The following TENM4 variants were observed in gnomAD, a reference collection of about 807,000 sequenced individuals.
TENM4 encodes teneurin-4.
Under a neutral mutation model 243.3 loss-of-function variants are expected in TENM4, and 82 were observed. The observed-to-expected ratio is 0.34, with a 90% CI of 0.28 to 0.40. TENM4 has a LOEUF of 0.40. TENM4 is among the 10% of genes least tolerant of loss of function. TENM4 has a pLI of 1.00. For missense variants in TENM4, 3,138 were observed against 3,673.3 expected (o/e 0.85, Z 3.77); for synonymous variants, 1,412 against 1,456.3 (o/e 0.97, Z 0.69).
At chr11:79,389,931 A>T (rs1858195859) in intron 1 of TENM4, among the ~76,000 whole-genome samples, 2 of 152,308 alleles carry the variant, frequency 1.3e-5, no homozygotes, top group South Asian at 2.1e-4. Context: ...GGCCCTTTCC[A>T]GAAAACGTTT....
rs539683522 is a variant in TENM4, at chr11:79,355,850, T to C, written c.-320-58307A>G. On this transcript the variant is annotated intron_variant, in intron 1 of 33. Transcript: ENST00000278550. ...CTCACACTGACACATGAGACCACAGTGACAAATTACGGAACCTCAGTGGAA... is the reference window on the plus strand; with the variant it reads ...CTCACACTGACACATGAGACCACAGCGACAAATTACGGAACCTCAGTGGAA... Among the ~76,000 whole-genome samples the C allele has an allele frequency of 4.6e-5, 7 of 152,306 alleles. No homozygotes were observed. In the South Asian group the frequency reaches 1.4e-3, roughly 32 times the overall value.
intron 27 of TENM4, among the ~76,000 whole-genome samples, chr11:78,706,018 T>C (rs1236083136): frequency 6.6e-6 from 1 of 152,206 alleles, no homozygotes; most frequent in Non-Finnish European, 1.5e-5. Flanking sequence ...AAAATTCATT[T>C]CCATATCTCT....
At chr11:78,737,505 A>G (rs1373013872) in intron 20 of TENM4, among the ~76,000 whole-genome samples, 2 of 152,206 alleles carry the variant, frequency 1.3e-5, no homozygotes, top group African/African-American at 4.8e-5. Flanking sequence ...TGGATTAAAG[A>G]GGTGCTAAAA....
At chr11:78,999,894 C>T (rs1184383998) in intron 6 of TENM4, among the ~76,000 whole-genome samples, 1 of 151,820 alleles carries the variant, frequency 6.6e-6, no homozygotes, top group Non-Finnish European at 1.5e-5. Flanking sequence ...TGATGAAAAA[C>T]ATTAATCTAT....
rs1293230211 is a variant in TENM4 at position 78,657,463 on chromosome 11, G to A, written c.*595C>T. The A allele has an allele frequency of 5.9e-6, 2 of 339,270 alleles. No individual in the cohort carries two copies. The highest frequency in any genetic ancestry group is 4.6e-5 in the Admixed American group (1 of 21,718). The allele number at this position is 339,270 out of a possible 1,614,324, so 21.0% of individuals were successfully genotyped here. On this transcript the variant is annotated 3_prime_UTR_variant, in exon 34 of 34. Transcript: ENST00000278550. ...GCTGAACAACACCATGAAATTCCCTGGAGCAAGATGAAGCCATCTATGATC... is the reference window on the plus strand; with the variant it reads ...GCTGAACAACACCATGAAATTCCCTAGAGCAAGATGAAGCCATCTATGATC...
At position 79,069,871 on chromosome 11, in the gene TENM4, G is replaced by A. The variant is rs1339433774; in HGVS notation, c.74C>T (p.Ser25Leu). The change falls in exon 5 of 34, where the codon TCG becomes TTG. Residue 25 changes from serine (S) to leucine (L), a missense_variant. By Grantham distance (145) the Ser-to-Leu change is moderately radical. Transcript: ENST00000278550. Reference sequence around the variant, plus strand: ...TTTGCCCTCCTCGCTGTCCGCGGACGAGCTGGTGTAGCGGCGCTCGGCGTC... The same window carrying A: ...TTTGCCCTCCTCGCTGTCCGCGGACAAGCTGGTGTAGCGGCGCTCGGCGTC... Reference protein sequence around the residue: ...RRDAERRYTSSSADSEEGKAP... With the variant: ...RRDAERRYTSLSADSEEGKAP... 1.3e-6 allele frequency: 2 copies of A among 1,549,854 alleles called. No individual in the cohort carries two copies. Among genetic ancestry groups the A allele is most frequent in the Non-Finnish European group, 1.7e-6 (2 of 1,146,870 alleles).
intron 6 of TENM4, among the ~76,000 whole-genome samples, chr11:79,004,791 G>A (rs1038234124): frequency 2.6e-5 from 4 of 151,782 alleles, no homozygotes; most frequent in African/African-American, 9.7e-5. Flanking sequence ...AAAACCATAA[G>A]AAAGATCAAT....
At chr11:79,307,692 A>G (rs1856649503) in intron 1 of TENM4, among the ~76,000 whole-genome samples, 1 of 151,770 alleles carries the variant, frequency 6.6e-6, no homozygotes, top group African/African-American at 2.4e-5. Flanking sequence ...CCTTTCCTCA[A>G]ACACTCCATT....
At chr11:78,741,164 C>T (rs188969828) in intron 19 of TENM4, among the ~76,000 whole-genome samples, 161 of 152,250 alleles carry the variant, frequency 1.1e-3, no homozygotes, top group Middle Eastern at 6.8e-3. Flanking sequence ...GTGGGGGCCT[C>T]TGAATTGTGT....
At chr11:79,222,874 A>C (rs1864190537) in intron 2 of TENM4, among the ~76,000 whole-genome samples, 1 of 152,176 alleles carries the variant, frequency 6.6e-6, no homozygotes, top group East Asian at 1.9e-4. Context: ...AATTTGTTGA[A>C]GTTCCTTGTA....
intron 4 of TENM4, among the ~76,000 whole-genome samples, chr11:79,119,723 G>T (rs1029967296): frequency 2.0e-5 from 3 of 152,152 alleles, no homozygotes; most frequent in Non-Finnish European, 4.4e-5. Context: ...ACAGCCTCTT[G>T]CTCCAATGGG....
rs78788654 is a variant in TENM4, at chr11:79,049,197, A to T, written c.493+15541T>A. 5.3e-3 allele frequency among the ~76,000 whole-genome samples: 802 copies of T among 152,272 alleles called. 5 individuals are homozygous for T. Among genetic ancestry groups the T allele is most frequent in the African/African-American group, 0.018 (757 of 41,572 alleles). On this transcript the variant is annotated intron_variant, in intron 6 of 33. Coordinates refer to ENST00000278550, the MANE Select transcript of TENM4 (RefSeq NM_001098816.3). Reference sequence around the variant, plus strand: ...ACTGGGCAGCACAATTCCCTCCCCCAGTCCCCAGTTCATCAATACAACTAT... The same window carrying T: ...ACTGGGCAGCACAATTCCCTCCCCCTGTCCCCAGTTCATCAATACAACTAT...
chr11:78,942,132 T>C (rs1856910619), intron 6 of TENM4, among the ~76,000 whole-genome samples: 1 of 148,466 alleles, frequency 6.7e-6, no homozygotes, highest in South Asian at 2.2e-4. Flanking sequence ...AAAAATCACT[T>C]CTGGGTGTGG....
chr11:79,026,480 G>T (rs963183803), intron 6 of TENM4, among the ~76,000 whole-genome samples: 1 of 152,168 alleles, frequency 6.6e-6, no homozygotes, highest in African/African-American at 2.4e-5. Context: ...AAAGGCATCT[G>T]GTAGGAAAAG....
At chr11:78,726,608 A>G (rs1215926214) in intron 22 of TENM4, among the ~76,000 whole-genome samples, 1 of 152,036 alleles carries the variant, frequency 6.6e-6, no homozygotes, top group Non-Finnish European at 1.5e-5. Flanking sequence ...TGATTGGATC[A>G]TGGGGTGGAT....
intron 6 of TENM4, among the ~76,000 whole-genome samples, chr11:78,906,345 T>C (rs887492742): frequency 1.3e-5 from 2 of 152,188 alleles, no homozygotes. Context: ...GCATAAAACT[T>C]AAACACCTCC....
intron 6 of TENM4, among the ~76,000 whole-genome samples, chr11:78,968,701 T>C (rs1419762969): frequency 3.3e-5 from 5 of 152,130 alleles, no homozygotes; most frequent in Non-Finnish European, 5.9e-5. Flanking sequence ...ACTAGGAAAA[T>C]TCATCTCCAT....
chr11:78,826,926 T>C (rs1325907801), intron 12 of TENM4, among the ~76,000 whole-genome samples: 1 of 152,212 alleles, frequency 6.6e-6, no homozygotes, highest in Non-Finnish European at 1.5e-5. Flanking sequence ...CCTGCACTAA[T>C]GTCACCTGCC....
At chr11:79,075,101 T>C (rs1231151091) in intron 4 of TENM4, among the ~76,000 whole-genome samples, 3 of 152,254 alleles carry the variant, frequency 2.0e-5, no homozygotes, top group African/African-American at 7.2e-5. Flanking sequence ...ATTGAACTAA[T>C]AATAACACCA....
Sources: gnomAD v4.1 joint callset for allele counts (sites outside exome capture counted in the v4.1 genomes callset) on GRCh38, gnomAD v4.1.1 for gene constraint, MANE v1.5 for transcripts, NCBI Gene and HGNC (gene_info 2026-07-23, HGNC 2026-07-21) for gene names.